Variants in PCDHA12 observed in about 807,000 individuals in gnomAD.
PCDHA12 encodes the protein protocadherin alpha-12.
In PCDHA12, 44 loss-of-function variants were observed where a neutral mutation model predicts 60.0. The observed-to-expected ratio is 0.73, with a 90% CI of 0.58 to 0.94. PCDHA12 has a LOEUF of 0.94. PCDHA12 is among the 40% of genes least tolerant of loss of function. PCDHA12 has a pLI of 0.00. For missense variants in PCDHA12, 1,276 were observed against 1,239.7 expected (o/e 1.03, Z -0.44); for synonymous variants, 569 against 553.0 (o/e 1.03, Z -0.40).
intron 1 of PCDHA12, chr5:140,967,680 G>C (rs1554229771): frequency 6.2e-7 from 1 of 1,614,228 alleles, no homozygotes; most frequent in South Asian, 1.1e-5. Context: ...GACCGGGAGA[G>C]GCAGCTCTTC....
intron 2 of PCDHA12, among the ~76,000 whole-genome samples, chr5:140,981,701 C>A (rs546149642): frequency 5.3e-5 from 8 of 152,268 alleles, no homozygotes; most frequent in African/African-American, 1.9e-4. Context: ...TTCATTCATT[C>A]ATTCATTCAT....
At chr5:140,911,158 G>A (rs1274383238) in intron 1 of PCDHA12, among the ~76,000 whole-genome samples, 1 of 152,162 alleles carries the variant, frequency 6.6e-6, no homozygotes, top group African/African-American at 2.4e-5. Context: ...TCAGACAAAT[G>A]TGGAAAGGCT....
At chr5:140,949,336 A>G (rs1585327315) in intron 1 of PCDHA12, among the ~76,000 whole-genome samples, 1 of 151,920 alleles carries the variant, frequency 6.6e-6, no homozygotes, top group South Asian at 2.1e-4. Context: ...ATTGTTATCC[A>G]GATTTTCTGT....
intron 1 of PCDHA12, among the ~76,000 whole-genome samples, chr5:140,935,104 A>G (rs1233919640): frequency 2.0e-5 from 3 of 152,126 alleles, no homozygotes; most frequent in Non-Finnish European, 4.4e-5. Context: ...GCCATTTTTC[A>G]AAGAGCTTTC....
Position 140,875,516 on chromosome 5 carries a change from TG to T in PCDHA12, c.45del (p.Leu16SerfsTer62). 1 of 1,613,976 alleles carries T rather than the reference TG, an allele frequency of 6.2e-7. No homozygotes were observed. The highest frequency in any genetic ancestry group is 8.5e-7 in the Non-Finnish European group (1 of 1,179,880). ...GPRGPGSQRL[L>X]LSLLLLAAWE... The stretch of plus-strand genomic sequence containing the variant: ...AGAGGCCCGGGATCCCAGCGTCTGC[TG>T]CTCTCGCTTCTGCTCCTTGCAGCCT... On this transcript the variant is annotated frameshift_variant, in exon 1 of 4. Coordinates refer to ENST00000398631, the MANE Select transcript of PCDHA12 (RefSeq NM_018903.4). LOFTEE classifies it high-confidence loss of function.
chr5:140,980,490 C>T (rs185528514), intron 2 of PCDHA12, among the ~76,000 whole-genome samples: 39 of 152,096 alleles, frequency 2.6e-4, no homozygotes, highest in Admixed American at 4.6e-4. Context: ...ATTAGCTGGG[C>T]GTGATGGCAT....
intron 1 of PCDHA12, among the ~76,000 whole-genome samples, chr5:140,888,192 A>G (rs906159358): frequency 4.6e-5 from 7 of 152,120 alleles, no homozygotes; most frequent in Non-Finnish European, 8.8e-5. Context: ...TGAATTTTAC[A>G]TTGTCGGATG....
At chr5:140,943,608 T>C (rs1585137347) in intron 1 of PCDHA12, among the ~76,000 whole-genome samples, 1 of 152,184 alleles carries the variant, frequency 6.6e-6, no homozygotes, top group Non-Finnish European at 1.5e-5. Flanking sequence ...ATATAGACTT[T>C]GATTCATCTG....
chr5:140,962,569 T>A (rs782016565), intron 1 of PCDHA12, among the ~76,000 whole-genome samples: 17 of 152,194 alleles, frequency 1.1e-4, no homozygotes, highest in African/African-American at 1.7e-4. Context: ...TAAAAGCCAA[T>A]TGTTAATGCC....
intron 1 of PCDHA12, among the ~76,000 whole-genome samples, chr5:140,951,398 A>T (rs1428015395): frequency 6.6e-6 from 1 of 152,100 alleles, no homozygotes; most frequent in Non-Finnish European, 1.5e-5. Flanking sequence ...TTATAAAGAA[A>T]AGAGGTTTAA....
At chr5:140,936,762 G>A (rs190223178) in intron 1 of PCDHA12, among the ~76,000 whole-genome samples, 224 of 152,210 alleles carry the variant, frequency 1.5e-3, no homozygotes, top group Non-Finnish European at 2.6e-3. Context: ...ATATCTAATT[G>A]TGTAAGTTCT....
At chr5:141,001,253 C>T (rs896546841) in intron 3 of PCDHA12, among the ~76,000 whole-genome samples, 22 of 152,078 alleles carry the variant, frequency 1.4e-4, no homozygotes, top group African/African-American at 5.1e-4. Flanking sequence ...CCCTATGGGG[C>T]GGGCACTCTT....
At position 140,877,386 on chromosome 5, in the gene PCDHA12, T is replaced by G. The variant is rs782310487; in HGVS notation, c.1914T>G (p.Asp638Glu). 5 of 1,613,816 alleles carry G rather than the reference T, an allele frequency of 3.1e-6. No individual in the cohort carries two copies. In the African/African-American group the frequency reaches 6.7e-5, roughly 22 times the overall value. Residue 638 changes from aspartate to glutamate, a missense_variant, in exon 1 of 4, where the codon GAT (aspartate) becomes GAG (glutamate). Asp to Glu is a conservative substitution (Grantham distance 45, BLOSUM62 2). Coordinates refer to ENST00000398631, the MANE Select transcript of PCDHA12 (RefSeq NM_018903.4). ...TGEISTTRIL[D>E]EADAPRHRLL... is the part of the protein sequence containing the mutation. ...AGATCAGCACGACACGCATCCTGGA[T>G]GAGGCGGACGCTCCGCGCCACCGCC... is the stretch of plus-strand genomic sequence containing the variant.
chr5:141,006,357 G>A (rs1296731156), intron 3 of PCDHA12, among the ~76,000 whole-genome samples: 1 of 151,914 alleles, frequency 6.6e-6, no homozygotes, highest in Middle Eastern at 3.4e-3. Context: ...GACTATAGGC[G>A]CCCACCACCA....
In PCDHA12 at chr5:141,010,017, T is replaced by C; in HGVS notation, c.*80T>C. 1.3e-6 allele frequency: 2 copies of C among 1,571,154 alleles called. No individual in the cohort carries two copies. Among genetic ancestry groups the C allele is most frequent in the Non-Finnish European group, 1.7e-6 (2 of 1,162,678 alleles). On this transcript the variant is annotated 3_prime_UTR_variant, in exon 4 of 4. Transcript: ENST00000398631. ...CTCCCATGTAGCAATTCCCTGCTCC[T>C]TTTTCCTATCTACATGAGCCCTCTT...
chr5:140,968,293 G>A, intron 1 of PCDHA12: 1 of 1,613,962 alleles, frequency 6.2e-7, no homozygotes, highest in South Asian at 1.1e-5. Flanking sequence ...ACTCCCTTCT[G>A]GAGAGGGAGA....
chr5:140,891,468 T>C (rs1459925727), intron 1 of PCDHA12, among the ~76,000 whole-genome samples: 1 of 151,582 alleles, frequency 6.6e-6, no homozygotes, highest in Non-Finnish European at 1.5e-5. Context: ...TGTGAATTAA[T>C]GCCTTTACAT....
intron 1 of PCDHA12, among the ~76,000 whole-genome samples, chr5:140,973,394 A>C (rs1263015635): frequency 6.6e-6 from 1 of 152,244 alleles, no homozygotes; most frequent in African/African-American, 2.4e-5. Flanking sequence ...CAAAGAAATC[A>C]TATCTATGAG....
At chr5:141,007,395 CAAAAA>C (rs35800918) in intron 3 of PCDHA12, among the ~76,000 whole-genome samples, 1 of 94,866 alleles carries the variant, frequency 1.1e-5, no homozygotes, top group Non-Finnish European at 2.1e-5. Flanking sequence ...TACTAAAATA[CAAAAA>C]AAAAAAAAAA....
Sources: allele counts gnomAD v4.1 joint callset (sites outside exome capture counted in the v4.1 genomes callset), GRCh38; gene constraint gnomAD v4.1.1; transcripts MANE v1.5; gene names NCBI Gene and HGNC (gene_info 2026-07-23, HGNC 2026-07-21).